MORC4: variants seen among roughly 807,000 people sequenced by gnomAD.
MORC4 encodes the protein MORC family CW-type zinc finger 4.
A neutral mutation model predicts 65.5 loss-of-function variants in MORC4; 22 were observed. The observed-to-expected ratio is 0.34, with a 90% CI of 0.24 to 0.48. The LOEUF (loss-of-function observed/expected upper bound fraction) is 0.48, where lower values mean the gene tolerates loss of function less well. Ranked by LOEUF, MORC4 falls within the 20% of genes least tolerant of loss-of-function variation. MORC4 has a pLI of 0.99. For synonymous variants in MORC4, 267 were observed against 255.8 expected, an observed-to-expected ratio of 1.04 and a Z score of -0.42; for missense variants, 624 against 703.0, an observed-to-expected ratio of 0.89 and a Z score of 1.27.
Position 106,981,008 on chromosome X carries a change from A to G in MORC4, c.819T>C (p.Gly273=), listed in dbSNP as rs2147820889. 2 of 1,207,989 alleles carry G rather than the reference A, an allele frequency of 1.7e-6. No homozygotes were observed. Among genetic ancestry groups the G allele is most frequent in the South Asian group, 1.8e-5 (1 of 56,512 alleles). Residue 273 remains glycine, a synonymous_variant, in exon 7 of 17, where the codon GGT becomes GGC. Coordinates refer to ENST00000355610, the MANE Select transcript of MORC4 (RefSeq NM_024657.5). ...TCATGCGTGGCTTCATGTATAGAAT[A>G]CCACAAAATGCCTACGGAACAGAAT... The part of the protein sequence containing the change: ...ETEYSLRAFC[G]ILYMKPRMKI...
chrX:106,998,104 A>G (rs942182199), intron 2 of MORC4, among the ~76,000 whole-genome samples: 7 of 112,472 alleles, frequency 6.2e-5, no homozygotes, highest in Non-Finnish European at 1.3e-4. Context: ...TACCAAATGA[A>G]TGATTCACTA....
chrX:106,942,145 C>T lies in MORC4; in HGVS notation c.2453G>A (p.Ser818Asn). The change falls in exon 16 of 17, where the codon AGT becomes AAT. Residue 818 changes from serine to asparagine, a missense_variant. Ser to Asn is a conservative substitution (Grantham distance 46, BLOSUM62 1). Coordinates refer to ENST00000355610, the MANE Select transcript of MORC4 (RefSeq NM_024657.5). Reference sequence around the variant, plus strand: ...GTACAAGCCTTCCGCCTCCTGGGTACTGTAGATCACCAATTCATGTTGGAC... The same window carrying T: ...GTACAAGCCTTCCGCCTCCTGGGTATTGTAGATCACCAATTCATGTTGGAC... Reference protein sequence around the residue: ...KKVQHELVIYSTQEAEGLYWS... With the variant: ...KKVQHELVIYNTQEAEGLYWS... The T allele has an allele frequency of 8.3e-7, 1 of 1,211,237 alleles. No homozygotes were observed. Among genetic ancestry groups the T allele is most frequent in the Non-Finnish European group, 1.1e-6 (1 of 895,153 alleles).
intron 7 of MORC4, among the ~76,000 whole-genome samples, chrX:106,978,515 A>C (rs937845904): frequency 9.0e-6 from 1 of 110,951 alleles, no homozygotes; most frequent in African/African-American, 3.3e-5. Flanking sequence ...GAAATGATTA[A>C]ATAAATGTTG....
At chrX:106,976,231 T>A (rs1278288556) in intron 9 of MORC4, among the ~76,000 whole-genome samples, 2 of 111,674 alleles carry the variant, frequency 1.8e-5, no homozygotes, top group African/African-American at 3.2e-5. Flanking sequence ...TTGGAACAAA[T>A]TTCAAACTGC....
chrX:106,968,192 G>A (rs763440074), intron 9 of MORC4, among the ~76,000 whole-genome samples: 2 of 111,297 alleles, frequency 1.8e-5, no homozygotes, highest in African/African-American at 6.5e-5. Context: ...ATTTTCAAAC[G>A]AGAATTTCAT....
At position 106,941,309 on chromosome X, in the gene MORC4, G is replaced by A; in HGVS notation, c.*170C>T. On this transcript the variant is annotated 3_prime_UTR_variant, in exon 17 of 17. Transcript: ENST00000355610. ...TTCTCCACACCAAAACTGATAAAAA[G>A]GAGACTGATTATGAGCCAGGATTTA... 1 of 373,465 alleles carries A rather than the reference G, an allele frequency of 2.7e-6. No individual in the cohort carries two copies. The highest frequency in any genetic ancestry group is 4.5e-6 in the Non-Finnish European group (1 of 220,807). 30.8% of individuals were successfully genotyped at this position (373,465 alleles called of 1,213,427 possible).
rs138978092 is a variant in MORC4 at position 106,984,226 on chromosome X, C to G, written c.674+870G>C. Among the ~76,000 whole-genome samples, 271 of 108,177 alleles carry G rather than the reference C, an allele frequency of 2.5e-3. 1 individual carries two copies. The highest frequency in any genetic ancestry group is 2.7e-3 in the Non-Finnish European group (141 of 52,274). 93.9% of individuals were successfully genotyped at this position (108,177 alleles called of 115,157 possible). On this transcript the variant is annotated intron_variant, in intron 5 of 16. Transcript: ENST00000355610. Reference sequence around the variant, plus strand: ...ACTTGAACCCAGGAGGTGAAGGTTACAGTGAACCAAGTTTGCACCACTGCA... The same window carrying G: ...ACTTGAACCCAGGAGGTGAAGGTTAGAGTGAACCAAGTTTGCACCACTGCA...
At position 107,000,039 on chromosome X, in the gene MORC4, G is replaced by A; in HGVS notation, c.-70C>T. The A allele has an allele frequency of 6.9e-6, 3 of 432,053 alleles. No homozygotes were observed. Among genetic ancestry groups the A allele is most frequent in the Non-Finnish European group, 9.4e-6 (3 of 317,921 alleles). The allele number at this position is 432,053 out of a possible 1,213,427, so 35.6% of individuals were successfully genotyped here. ...GCCCGGCGGTCCGGGACTAGCCCTC[G>A]CTCACTTCCACTCGCAGCTGGCGGC... On this transcript the variant is annotated 5_prime_UTR_variant, in exon 1 of 17. Coordinates refer to ENST00000355610, the MANE Select transcript of MORC4 (RefSeq NM_024657.5).
intron 8 of MORC4, among the ~76,000 whole-genome samples, chrX:106,977,153 C>A (rs892803504): frequency 8.9e-6 from 1 of 111,780 alleles, no homozygotes; most frequent in Non-Finnish European, 1.9e-5. Flanking sequence ...CATACATAGG[C>A]CACCAAACAA....
Position 106,993,265 on chromosome X carries a change from A to G in MORC4, c.273T>C (p.Cys91=). The G allele has an allele frequency of 5.8e-6, 7 of 1,210,597 alleles. No individual in the cohort carries two copies. The highest frequency in any genetic ancestry group is 7.8e-6 in the Non-Finnish European group (7 of 894,244). The stretch of plus-strand genomic sequence containing the variant: ...GGTGTAGTTTATGAGGTGTCATCCC[A>G]CATCCATCATCGGTAAAGGTCAAAC... ...KSCLTFTDDG[C]GMTPHKLHRM... The change falls in exon 3 of 17, where the codon TGT becomes TGC. Residue 91 remains cysteine, a synonymous_variant. Transcript: ENST00000355610.
intron 13 of MORC4, among the ~76,000 whole-genome samples, chrX:106,955,690 C>T (rs750212978): frequency 9.0e-6 from 1 of 111,419 alleles, no homozygotes; most frequent in South Asian, 3.8e-4. Context: ...TAAACCAAGG[C>T]ATTAGGGTAT....
intron 2 of MORC4, among the ~76,000 whole-genome samples, chrX:106,998,397 A>G (rs1462173422): frequency 8.9e-6 from 1 of 112,037 alleles, no homozygotes; most frequent in Non-Finnish European, 1.9e-5. Flanking sequence ...CAAATTGGAA[A>G]CTCATTAAAT....
intron 14 of MORC4, among the ~76,000 whole-genome samples, chrX:106,943,660 G>A (rs1385165353): frequency 9.8e-5 from 11 of 112,434 alleles, no homozygotes; most frequent in Non-Finnish European, 3.8e-5. Context: ...ATGCCTTCCC[G>A]TATCAAAGAC....
At chrX:106,996,018 T>A (rs1935073406) in intron 2 of MORC4, among the ~76,000 whole-genome samples, 1 of 111,450 alleles carries the variant, frequency 9.0e-6, no homozygotes, top group Non-Finnish European at 1.9e-5. Flanking sequence ...GGTATTCTTT[T>A]CTAACAATTT....
At chrX:106,966,986 G>A (rs1299773846) in intron 9 of MORC4, among the ~76,000 whole-genome samples, 3 of 111,979 alleles carry the variant, frequency 2.7e-5, no homozygotes, top group East Asian at 2.8e-4. Flanking sequence ...TTCTGATAAC[G>A]GACAGACTGC....
At chrX:106,964,962 G>T (rs1161594977) in intron 9 of MORC4, among the ~76,000 whole-genome samples, 5 of 107,977 alleles carry the variant, frequency 4.6e-5, no homozygotes, top group Non-Finnish European at 9.6e-5. Context: ...GAGCCAAGAT[G>T]GTGCCATTGC....
In MORC4 at chrX:106,999,565, A is replaced by G. The variant is rs1014950525; in HGVS notation, c.175+112T>C. 817 of 489,587 alleles carry G rather than the reference A, an allele frequency of 1.7e-3. 5 individuals carry two copies. Among genetic ancestry groups the G allele is most frequent in the Middle Eastern group, 8.5e-4 (1 of 1,181 alleles). The allele number at this position is 489,587 out of a possible 1,213,427, so 40.3% of individuals were successfully genotyped here. ...AGCCGGGGCCGGTTCCGAGGCCCCC[A>G]CCCCAGCCCCGGCCCGCCCCGCGCG... On this transcript the variant is annotated intron_variant, in intron 2 of 16. Coordinates refer to ENST00000355610, the MANE Select transcript of MORC4 (RefSeq NM_024657.5).
chrX:106,951,873 G>A (rs772297582), intron 14 of MORC4, among the ~76,000 whole-genome samples: 38 of 107,422 alleles, frequency 3.5e-4, no homozygotes, highest in African/African-American at 1.2e-3. Context: ...GCACGCGCCT[G>A]TAATCCCAGC....
chrX:106,973,483 C>T (rs979987124), intron 9 of MORC4, among the ~76,000 whole-genome samples: 3 of 110,788 alleles, frequency 2.7e-5, no homozygotes, highest in Admixed American at 1.9e-4. Flanking sequence ...AACGTTGGGA[C>T]GGGGTGAATA....
Sources: gnomAD v4.1 joint callset for allele counts (sites outside exome capture counted in the v4.1 genomes callset) on GRCh38, gnomAD v4.1.1 for gene constraint, MANE v1.5 for transcripts, NCBI Gene and HGNC (gene_info 2026-07-23, HGNC 2026-07-21) for gene names.